IGF2BP3: variants seen among roughly 807,000 people sequenced by gnomAD.
IGF2BP3 encodes the protein insulin like growth factor 2 mRNA binding protein 3.
A neutral mutation model predicts 73.8 loss-of-function variants in IGF2BP3; 9 were observed. The observed-to-expected ratio is 0.12, with a 90% CI of 0.07 to 0.21. The LOEUF (loss-of-function observed/expected upper bound fraction) is 0.21, where lower values mean the gene tolerates loss of function less well. Ranked by LOEUF, IGF2BP3 falls within the 10% of genes least tolerant of loss-of-function variation. The probability of loss-of-function intolerance (pLI) is 1.00; values close to 1 mark genes in which losing one functional copy is unlikely to be tolerated. For missense variants in IGF2BP3, 542 were observed against 714.0 expected, an observed-to-expected ratio of 0.76 and a Z score of 2.75; for synonymous variants, 258 against 256.7, an observed-to-expected ratio of 1.01 and a Z score of -0.05.
intron 10 of IGF2BP3, among the ~76,000 whole-genome samples, chr7:23,338,685 T>C (rs1366633005): frequency 6.6e-6 from 1 of 152,212 alleles, no homozygotes. Flanking sequence ...GCTTTCAAAA[T>C]TGATACCTTT....
chr7:23,364,547 C>CAAA (rs34795303), intron 3 of IGF2BP3, among the ~76,000 whole-genome samples: 44 of 40,342 alleles, frequency 1.1e-3, no homozygotes, highest in African/African-American at 3.4e-3. Flanking sequence ...GACTTTGTGT[C>CAAA]AAAAAAAAAA....
In IGF2BP3 at chr7:23,320,592, AAT is replaced by A. The variant is rs1193662020; in HGVS notation, c.1204-1340_1204-1339del. On this transcript the variant is annotated intron_variant, in intron 10 of 14. Transcript: ENST00000258729. ...TAGTTCCAAGACACATATTACAAGA[AAT>A]AGTTATTGAAATGAGCCACAACTGA... 2.6e-5 allele frequency among the ~76,000 whole-genome samples: 4 copies of A among 151,842 alleles called. No homozygotes were observed. The East Asian group carries it at 7.7e-4, about 29-fold the overall frequency.
At chr7:23,348,018 G>A (rs889438424) in intron 6 of IGF2BP3, among the ~76,000 whole-genome samples, 1 of 152,176 alleles carries the variant, frequency 6.6e-6, no homozygotes, top group Non-Finnish European at 1.5e-5. Flanking sequence ...AGATGCCACA[G>A]AACAAATGTC....
At chr7:23,427,430 T>C (rs1787544912) in intron 2 of IGF2BP3, among the ~76,000 whole-genome samples, 2 of 152,080 alleles carry the variant, frequency 1.3e-5, no homozygotes, top group Admixed American at 6.5e-5. Context: ...CTTTGGCAAA[T>C]CCCTGTTTCA....
intron 10 of IGF2BP3, among the ~76,000 whole-genome samples, chr7:23,327,914 A>G (rs888691681): frequency 1.7e-4 from 26 of 152,286 alleles, no homozygotes; most frequent in African/African-American, 2.2e-4. Flanking sequence ...GCAGAACCCC[A>G]CATCAGACAC....
chr7:23,363,412 A>T (rs1366459554), intron 3 of IGF2BP3, among the ~76,000 whole-genome samples: 1 of 151,612 alleles, frequency 6.6e-6, no homozygotes, highest in Admixed American at 6.6e-5. Flanking sequence ...CACCTGGCTA[A>T]TTTTTAAGTT....
chr7:23,314,245 C>T (rs1323722757), intron 12 of IGF2BP3, among the ~76,000 whole-genome samples: 9 of 150,902 alleles, frequency 6.0e-5, no homozygotes, highest in African/African-American at 1.2e-4. Flanking sequence ...TGCAGTGGCA[C>T]GATCTTGGGT....
intron 3 of IGF2BP3, among the ~76,000 whole-genome samples, chr7:23,378,849 G>A (rs1459336172): frequency 6.6e-6 from 1 of 152,124 alleles, no homozygotes; most frequent in African/African-American, 2.4e-5. Flanking sequence ...TGGGATTACA[G>A]GTGTGAGCCA....
chr7:23,470,178 G>A lies in IGF2BP3; in HGVS notation c.-68C>T, dbSNP rs1007497128. On this transcript the variant is annotated 5_prime_UTR_variant, in exon 1 of 15. Coordinates refer to ENST00000258729, the MANE Select transcript of IGF2BP3 (RefSeq NM_006547.3). ...AAAAATTAAAACCACCCACGGTGATGGATGGATCCAGCTGGTTTTGTTCCC... is the reference window on the plus strand; with the variant it reads ...AAAAATTAAAACCACCCACGGTGATAGATGGATCCAGCTGGTTTTGTTCCC... The A allele has an allele frequency of 7.6e-7, 1 of 1,315,706 alleles. No individual in the cohort carries two copies. The highest frequency in any genetic ancestry group is 1.5e-5 in the African/African-American group (1 of 67,622). 81.5% of individuals were successfully genotyped at this position (1,315,706 alleles called of 1,614,324 possible).
chr7:23,351,861 T>C (rs1021264731), intron 5 of IGF2BP3, among the ~76,000 whole-genome samples: 21 of 152,006 alleles, frequency 1.4e-4, no homozygotes, highest in Admixed American at 4.6e-4. Context: ...TAATGAAAAA[T>C]AGAAAAACAA....
rs375383053 is a variant in IGF2BP3, at chr7:23,436,700, T to C, written c.237-17876A>G. On this transcript the variant is annotated intron_variant, in intron 2 of 14. Transcript: ENST00000258729. Reference sequence around the variant, plus strand: ...AACCTGAGATGATATTAGTATTTCCTATACCACAAAAAAACTAGAATTTTC... The same window carrying C: ...AACCTGAGATGATATTAGTATTTCCCATACCACAAAAAAACTAGAATTTTC... Among the ~76,000 whole-genome samples, 6 of 152,242 alleles carry C rather than the reference T, an allele frequency of 3.9e-5. 1 individual carries two copies. The highest frequency in any genetic ancestry group is 1.2e-4 in the African/African-American group (5 of 41,466).
intron 2 of IGF2BP3, among the ~76,000 whole-genome samples, chr7:23,459,085 C>T (rs1788385661): frequency 6.6e-6 from 1 of 152,178 alleles, no homozygotes; most frequent in Non-Finnish European, 1.5e-5. Context: ...TATTAGTTTT[C>T]CTTTCTTATA....
At chr7:23,467,853 T>C (rs1584077068) in intron 2 of IGF2BP3, 2 of 153,434 alleles carry the variant, frequency 1.3e-5, no homozygotes, top group African/African-American at 4.8e-5. Flanking sequence ...TAAGCAAAAA[T>C]GTACCCAGGA....
At chr7:23,396,980 T>C (rs1021747276) in intron 3 of IGF2BP3, among the ~76,000 whole-genome samples, 2 of 152,196 alleles carry the variant, frequency 1.3e-5, no homozygotes, top group Non-Finnish European at 2.9e-5. Context: ...TGTATGGTTG[T>C]CACTTTTATC....
chr7:23,320,532 A>C (rs1391841238), intron 10 of IGF2BP3, among the ~76,000 whole-genome samples: 2 of 152,064 alleles, frequency 1.3e-5, no homozygotes, highest in African/African-American at 4.8e-5. Flanking sequence ...TTACCTTCTA[A>C]CAATATAGTG....
chr7:23,390,514 C>A (rs989119402), intron 3 of IGF2BP3, among the ~76,000 whole-genome samples: 2 of 152,180 alleles, frequency 1.3e-5, no homozygotes, highest in Non-Finnish European at 2.9e-5. Context: ...GGGTAAACCA[C>A]CAGAGCTCGT....
At chr7:23,330,735 T>C (rs143080694) in intron 10 of IGF2BP3, among the ~76,000 whole-genome samples, 8 of 151,776 alleles carry the variant, frequency 5.3e-5, no homozygotes, top group South Asian at 2.1e-4. Flanking sequence ...TAGTTCTTTA[T>C]AGCGGTGTGA....
intron 3 of IGF2BP3, among the ~76,000 whole-genome samples, chr7:23,367,009 T>TTTTA (rs1554320673): frequency 6.8e-6 from 1 of 147,896 alleles, no homozygotes; most frequent in African/African-American, 2.5e-5. Context: ...TTTTTTTTTT[T>TTTTA]AAAGACAGAG....
chr7:23,464,345 T>C (rs1424945498), intron 2 of IGF2BP3, among the ~76,000 whole-genome samples: 4 of 152,222 alleles, frequency 2.6e-5, no homozygotes, highest in Admixed American at 1.3e-4. Context: ...TTTTGCATTT[T>C]CCCCCACTTT....
Sources: gnomAD v4.1 joint callset for allele counts (sites outside exome capture counted in the v4.1 genomes callset) on GRCh38, gnomAD v4.1.1 for gene constraint, MANE v1.5 for transcripts, NCBI Gene and HGNC (gene_info 2026-07-23, HGNC 2026-07-21) for gene names.